LCTL: variants seen among roughly 807,000 people sequenced by gnomAD.
The protein encoded by LCTL is lactase like, also known as lactase-like protein.
In LCTL, 76 loss-of-function variants were observed where a neutral mutation model predicts 75.8. The ratio of observed to expected loss-of-function variants is 1.00; its 90% CI spans 0.83 to 1.21. The LOEUF (loss-of-function observed/expected upper bound fraction) is 1.21. Among genes scored for constraint, LCTL ranks in the 50% most tolerant of loss-of-function variants. The probability of loss-of-function intolerance (pLI) is 0.00; values close to 1 mark genes in which losing one functional copy is unlikely to be tolerated. For missense variants in LCTL, 670 were observed against 712.4 expected (o/e 0.94, Z 0.68); for synonymous variants, 271 against 268.8 (o/e 1.01, Z -0.08).
At chr15:66,563,715 T>C in intron 3 of LCTL, 90 bp from the exon 5 acceptor site, 1 of 1,037,014 alleles carries the variant, frequency 9.6e-7, no homozygotes, top group Non-Finnish European at 1.4e-6. Flanking sequence ...GCCCTGTTGC[T>C]TTTTGAAGGC....
chr15:66,560,021 A>C (rs1895846600), intron 6 of LCTL, among the ~76,000 whole-genome samples: 1 of 152,056 alleles, frequency 6.6e-6, no homozygotes, highest in African/African-American at 2.4e-5. Context: ...CGGGAGGCGG[A>C]GGTTGCAGTG....
chr15:66,552,605 G>C (rs1302904722), intron 9 of LCTL, among the ~76,000 whole-genome samples: 1 of 151,434 alleles, frequency 6.6e-6, no homozygotes, highest in African/African-American at 2.4e-5. Context: ...GGAAGGCAGA[G>C]GTGGCAGTGA....
chr15:66,564,827 C>A (rs1037927518), exon 2 of LCTL: 2 of 1,611,934 alleles, frequency 1.2e-6, no homozygotes, highest in Non-Finnish European at 8.5e-7. Context: ...ACTGCCCACG[C>A]CCCAGGAGAA....
Position 66,564,448 on chromosome 15 carries a change from A to C in LCTL, c.282+228T>G, listed in dbSNP as rs35897311. On this transcript the variant is annotated intron_variant, in intron 2 of 12. Coordinates refer to ENST00000341509, the Ensembl canonical transcript of LCTL. ...GAGGCACTGGCTCAGGTGAGGCCCC[A>C]CTTTCCTTTCCTCCTACATCCACCT... The C allele has an allele frequency of 1.5e-4, 79 of 536,020 alleles. 1 individual carries two copies. Among genetic ancestry groups the C allele is most frequent in the Admixed American group, 1.0e-4 (3 of 29,280 alleles). 33.2% of individuals were successfully genotyped at this position (536,020 alleles called of 1,614,324 possible). A position where few individuals can be genotyped will look rare whatever the true frequency, so the allele number is the denominator to read the frequency against.
At chr15:66,563,436 G>A in intron 4 of LCTL, 80 bp downstream of exon 5, 1 of 876,856 alleles carries the variant, frequency 1.1e-6, no homozygotes, top group South Asian at 1.5e-5. Context: ...GCTCCACCTT[G>A]GCAACCCAAG....
In LCTL at chr15:66,561,327, G is replaced by A. The variant is rs1179141494; in HGVS notation, c.481-12C>T. 1 of 1,614,110 alleles carries A rather than the reference G, an allele frequency of 6.2e-7. No homozygotes were observed. Among genetic ancestry groups the A allele is most frequent in the African/African-American group, 1.3e-5 (1 of 74,948 alleles). ...TTGACCTGGAGCAGCTGTGAACACA[G>A]AGAAGCAGATGCCCCATGAATGAAC... On this transcript the variant is annotated splice_polypyrimidine_tract_variant and intron_variant, in intron 4 of 12. Coordinates refer to ENST00000341509, the Ensembl canonical transcript of LCTL.
intron 8 of LCTL, among the ~76,000 whole-genome samples, chr15:66,555,557 A>G (rs1010333749): frequency 2.0e-5 from 3 of 152,172 alleles, no homozygotes; most frequent in South Asian, 2.1e-4. Flanking sequence ...AAAAAAAAAG[A>G]AAGAAAGAAA....
chr15:66,552,707 T>G (rs1158133457), intron 9 of LCTL, among the ~76,000 whole-genome samples: 2 of 148,014 alleles, frequency 1.4e-5, no homozygotes, highest in Non-Finnish European at 1.5e-5. Context: ...GGAGGGGACA[T>G]GTACTTTGGT....
At chr15:66,551,796 C>G (rs370655423) in exon 11 of LCTL, 1 of 1,613,886 alleles carries the variant, frequency 6.2e-7, no homozygotes, top group East Asian at 2.2e-5. Flanking sequence ...TATCCTTTCT[C>G]CCATTCAAAC....
chr15:66,565,506 G>C, upstream of LCTL: 1 of 595,640 alleles, frequency 1.7e-6, no homozygotes, highest in East Asian at 3.0e-5. Context: ...TCTGCACCCA[G>C]CAGCAGAGGC....
intron 6 of LCTL, among the ~76,000 whole-genome samples, chr15:66,558,927 C>T (rs1895812969): frequency 6.6e-6 from 1 of 151,672 alleles, no homozygotes; most frequent in Non-Finnish European, 1.5e-5. Context: ...AACTCCAGAC[C>T]TCAAGCAATC....
exon 9 of LCTL, chr15:66,553,112 G>A (rs753278280): frequency 1.2e-5 from 19 of 1,611,270 alleles, no homozygotes; most frequent in Admixed American, 3.4e-5. Context: ...GGCCCCTGGC[G>A]GGAGGGGTAG....
At chr15:66,552,804 A>G (rs1486517686) in intron 9 of LCTL, among the ~76,000 whole-genome samples, 180 bp downstream of exon 10, 1 of 152,232 alleles carries the variant, frequency 6.6e-6, no homozygotes, top group African/African-American at 2.4e-5. Context: ...AGTTATATAC[A>G]TGCAAATGGT....
intron 8 of LCTL, among the ~76,000 whole-genome samples, chr15:66,554,409 A>C (rs1359162159): frequency 6.6e-6 from 1 of 152,132 alleles, no homozygotes; most frequent in African/African-American, 2.4e-5. Context: ...CAGTGAGCCA[A>C]GATCATGCCA....
At chr15:66,561,308 T>C in exon 5 of LCTL, 3 of 1,614,226 alleles carry the variant, frequency 1.9e-6, no homozygotes, top group Non-Finnish European at 2.5e-6. Context: ...GTATTTGACC[T>C]GGAGCAGCTG....
chr15:66,556,522 C>G (rs1895742910), intron 8 of LCTL, among the ~76,000 whole-genome samples: 1 of 152,154 alleles, frequency 6.6e-6, no homozygotes, highest in African/African-American at 2.4e-5. Context: ...TCAGGCTGGT[C>G]TCAAACTCCT....
chr15:66,548,728 G>A (rs1305115725), intron 12 of LCTL, 123 bp from the exon 14 acceptor site: 2 of 493,270 alleles, frequency 4.1e-6, no homozygotes, highest in Non-Finnish European at 7.4e-6. Flanking sequence ...CAAATTTTCT[G>A]ATTCTTATTT....
intron 6 of LCTL, 22 bp downstream of exon 7, chr15:66,560,984 C>G: frequency 6.2e-7 from 1 of 1,611,282 alleles, no homozygotes; most frequent in Non-Finnish European, 8.5e-7. Flanking sequence ...GGCTGTTCCT[C>G]CACCAGAAGG....
At position 66,550,141 on chromosome 15, in the gene LCTL, GACTA is replaced by G. The variant is rs903775547; in HGVS notation, c.1525-41_1525-38del. On this transcript the variant is annotated intron_variant, in intron 11 of 12. Coordinates refer to ENST00000341509, the Ensembl canonical transcript of LCTL. ...CCACTTGATAAGTAATGTTGTCTTA[GACTA>G]ATTTTTTGCTGTTTCAAATCATTTT... 2.2e-6 allele frequency: 3 copies of G among 1,371,030 alleles called. No homozygotes were observed. In the African/African-American group the frequency reaches 4.4e-5, roughly 20 times the overall value. The allele number at this position is 1,371,030 out of a possible 1,614,324, so 84.9% of individuals were successfully genotyped here.
Sources: gnomAD v4.1 joint callset for allele counts (sites outside exome capture counted in the v4.1 genomes callset) on GRCh38, gnomAD v4.1.1 for gene constraint, MANE v1.5 for transcripts, NCBI Gene and HGNC (gene_info 2026-07-23, HGNC 2026-07-21) for gene names.